LTA4H: variants seen among roughly 807,000 people sequenced by gnomAD.
LTA4H encodes leukotriene A-4 hydrolase.
LTA4H carries 59 observed loss-of-function variants against 89.8 expected under a neutral mutation model. That is an observed-to-expected ratio of 0.66 (90% confidence interval 0.53 to 0.82). The LOEUF (loss-of-function observed/expected upper bound fraction) is 0.82, where lower values mean the gene tolerates loss of function less well. LTA4H is among the 40% of genes least tolerant of loss of function. LTA4H has a pLI of 0.00. For missense variants in LTA4H, 617 were observed against 727.0 expected (o/e 0.85, Z 1.74); for synonymous variants, 227 against 253.1 (o/e 0.90, Z 0.98).
intron 17 of LTA4H, 58 bp from the exon 18 acceptor site, chr12:96,003,122 A>T (rs1950135757): frequency 9.3e-7 from 1 of 1,072,040 alleles, no homozygotes; most frequent in African/African-American, 1.6e-5. Context: ...GCAGGATATG[A>T]CAGGTATATC....
At chr12:96,004,449 G>A (rs978921545) in intron 16 of LTA4H, among the ~76,000 whole-genome samples, 1 of 152,138 alleles carries the variant, frequency 6.6e-6, no homozygotes, top group African/African-American at 2.4e-5. Flanking sequence ...TCTTTCCCTA[G>A]GGGGAAAATA....
intron 16 of LTA4H, 157 bp from the exon 17 acceptor site, chr12:96,004,077 A>T (rs531086647): frequency 2.5e-6 from 1 of 398,090 alleles, no homozygotes; most frequent in African/African-American, 2.1e-5. Context: ...CACACTAAGT[A>T]AATTCTGTGC....
At chr12:96,023,477 A>C (rs2136904227) in intron 4 of LTA4H, among the ~76,000 whole-genome samples, 1 of 151,988 alleles carries the variant, frequency 6.6e-6, no homozygotes, top group East Asian at 1.9e-4. Context: ...CAGCCTCCCA[A>C]GTAGTTGGGA....
intron 16 of LTA4H, among the ~76,000 whole-genome samples, chr12:96,005,786 T>C (rs1950188464): frequency 1.3e-5 from 2 of 152,226 alleles, no homozygotes; most frequent in African/African-American, 4.8e-5. Context: ...TTTCACTCTG[T>C]TGCTCAGGCT....
Position 96,000,825 on chromosome 12 carries a change from C to A in LTA4H, c.*164G>T. ...TTGTTAAAATTTACAAAGAATATGC[C>A]ACTATAAGAAGAAGTAGCTCAACTT... On this transcript the variant is annotated 3_prime_UTR_variant, in exon 19 of 19. Transcript: ENST00000228740. 1 of 522,446 alleles carries A rather than the reference C, an allele frequency of 1.9e-6. No homozygotes were observed. The highest frequency in any genetic ancestry group is 3.4e-6 in the Non-Finnish European group (1 of 290,692). The allele number at this position is 522,446 out of a possible 1,614,324, so 32.4% of individuals were successfully genotyped here.
At chr12:96,003,957 A>C (rs764833961) in intron 16 of LTA4H, 37 bp from the exon 17 acceptor site, 2 of 1,297,442 alleles carry the variant, frequency 1.5e-6, no homozygotes, top group Non-Finnish European at 2.2e-6. Flanking sequence ...GTATCATTTC[A>C]ACAGGATTCC....
chr12:96,003,806 T>G, intron 17 of LTA4H, 32 bp downstream of exon 17: 4 of 1,513,624 alleles, frequency 2.6e-6, no homozygotes, highest in Non-Finnish European at 3.7e-6. Flanking sequence ...GTTTTCTGCT[T>G]TCTTCCACAG....
At position 96,013,749 on chromosome 12, in the gene LTA4H, C is replaced by A. The variant is rs1950337698; in HGVS notation, c.1308+1G>T. On this transcript the variant is annotated splice_donor_variant, in intron 13 of 18. Coordinates refer to ENST00000228740, the MANE Select transcript of LTA4H (RefSeq NM_000895.3). LOFTEE classifies it high-confidence loss of function. ...AAATAGAAAAGGTTTTTAAATCCAA[C>A]CTTATCTTTAAAATAGGAATACAGG... The A allele has an allele frequency of 6.8e-7, 1 of 1,478,730 alleles. No homozygotes were observed. Among genetic ancestry groups the A allele is most frequent in the Non-Finnish European group, 9.3e-7 (1 of 1,072,224 alleles). 91.6% of individuals were successfully genotyped at this position (1,478,730 alleles called of 1,614,324 possible).
At chr12:96,037,856 TTG>T (rs1318630064), upstream of LTA4H, among the ~76,000 whole-genome samples, 1 of 151,998 alleles carries the variant, frequency 6.6e-6, no homozygotes, top group African/African-American at 2.4e-5. Flanking sequence ...GACTAATTTT[TTG>T]TGTGTGTATT....
chr12:96,041,887 C>T (rs186731834), intron 1 of LTA4H, among the ~76,000 whole-genome samples: 11 of 152,226 alleles, frequency 7.2e-5, no homozygotes, highest in East Asian at 3.9e-4. Flanking sequence ...GTGATCCGCC[C>T]ACCTCAGCCT....
Position 96,035,369 on chromosome 12 carries a change from G to A in LTA4H, c.151C>T (p.Arg51Cys). The A allele has an allele frequency of 6.2e-7, 1 of 1,608,530 alleles. No individual in the cohort carries two copies. Among genetic ancestry groups the A allele is most frequent in the South Asian group, 1.1e-5 (1 of 90,326 alleles). ...CAGGCGCCCCACTGTACCAGGCTGC[G>A]CAGATTGTCCTCCTGAGACTGGACC... ...LTVQSQEDNL[R>C]SLVLDTKDLT... The change falls in exon 1 of 19, where the codon CGC (arginine) becomes TGC (cysteine). Residue 51 changes from arginine to cysteine, a missense_variant. Physicochemically the swap from Arg to Cys is radical, Grantham distance 180. Transcript: ENST00000228740.
At chr12:96,042,825 G>A (rs956170852) in intron 1 of LTA4H, among the ~76,000 whole-genome samples, 1 of 152,190 alleles carries the variant, frequency 6.6e-6, no homozygotes, top group Non-Finnish European at 1.5e-5. Context: ...TGGGCCACGA[G>A]AAACAGCAGC....
At chr12:96,013,338 A>T (rs554738156) in intron 13 of LTA4H, 80 bp from the exon 14 acceptor site, 1 of 841,036 alleles carries the variant, frequency 1.2e-6, no homozygotes, top group South Asian at 1.5e-5. Flanking sequence ...AAGTCCTTAG[A>T]TATATAATTT....
intron 2 of LTA4H, 95 bp downstream of exon 2, chr12:96,028,960 C>T (rs1050260834): frequency 9.4e-7 from 1 of 1,067,664 alleles, no homozygotes; most frequent in Non-Finnish European, 1.3e-6. Context: ...TACATATTTA[C>T]AAACTAAAAT....
upstream of LTA4H, among the ~76,000 whole-genome samples, chr12:96,036,263 T>C (rs1950646024): frequency 1.3e-5 from 2 of 152,182 alleles, no homozygotes; most frequent in African/African-American, 4.8e-5. Flanking sequence ...TATGCACTGG[T>C]CGCAATGGGA....
At chr12:96,028,648 G>A (rs556703988) in intron 2 of LTA4H, among the ~76,000 whole-genome samples, 1 of 152,304 alleles carries the variant, frequency 6.6e-6, no homozygotes, top group African/African-American at 2.4e-5. Context: ...CACTGTAACA[G>A]TTCTATCTTT....
rs868009051 is a variant in LTA4H at position 96,014,941 on chromosome 12, A to G, written c.1118T>C (p.Ile373Thr). 7.4e-6 allele frequency: 12 copies of G among 1,613,726 alleles called. No individual in the cohort carries two copies. The Middle Eastern group carries it at 5.0e-4, about 67-fold the overall frequency. ...FTKLVVDLTD[I>T]DPDVAYSSVP... Reference sequence around the variant, plus strand: ...TGAAGAATAAGCTACATCAGGGTCTATATCTGTCAGATCAACCACAAGTTT... The same window carrying G: ...TGAAGAATAAGCTACATCAGGGTCTGTATCTGTCAGATCAACCACAAGTTT... The change falls in exon 12 of 19, where the codon ATA becomes ACA. Residue 373 changes from isoleucine to threonine, a missense_variant. By Grantham distance (89) the Ile-to-Thr change is moderately conservative (BLOSUM62 -1). Transcript: ENST00000228740.
chr12:96,020,156 T>G (rs1227122816), intron 6 of LTA4H, among the ~76,000 whole-genome samples: 1 of 151,858 alleles, frequency 6.6e-6, no homozygotes, highest in African/African-American at 2.4e-5. Flanking sequence ...CCTCCCACTT[T>G]GGCCTCCCAA....
intron 2 of LTA4H, among the ~76,000 whole-genome samples, chr12:96,028,296 C>T (rs1005889503): frequency 6.6e-6 from 1 of 152,130 alleles, no homozygotes; most frequent in African/African-American, 2.4e-5. Flanking sequence ...ATTATTTGAC[C>T]TCCCTATGCC....
Sources: allele counts gnomAD v4.1 joint callset (sites outside exome capture counted in the v4.1 genomes callset), GRCh38; gene constraint gnomAD v4.1.1; transcripts MANE v1.5; gene names NCBI Gene and HGNC (gene_info 2026-07-23, HGNC 2026-07-21).